MEI4: variants seen among roughly 807,000 people sequenced by gnomAD.
The protein encoded by MEI4 is meiotic double-stranded break formation protein 4.
Under a neutral mutation model 31.4 loss-of-function variants are expected in MEI4, and 27 were observed. That is an observed-to-expected ratio of 0.86 (90% CI 0.63 to 1.19). The LOEUF (loss-of-function observed/expected upper bound fraction) is 1.19. MEI4 is among the 50% of genes most tolerant of loss of function. MEI4 has a pLI of 0.00. For missense variants in MEI4, 329 were observed against 398.9 expected, an observed-to-expected ratio of 0.82 and a Z score of 1.49; for synonymous variants, 122 against 145.4, an observed-to-expected ratio of 0.84 and a Z score of 1.16.
At chr6:77,913,588 T>A (rs1056846998) in intron 4 of MEI4, among the ~76,000 whole-genome samples, 2 of 152,246 alleles carry the variant, frequency 1.3e-5, no homozygotes, top group African/African-American at 4.8e-5. Context: ...TTGTTCATAA[T>A]TGTCTGTGAT....
chr6:77,816,716 A>C (rs998097933), intron 3 of MEI4, among the ~76,000 whole-genome samples: 2 of 152,170 alleles, frequency 1.3e-5, no homozygotes, highest in Non-Finnish European at 2.9e-5. Context: ...GAATCGCCAC[A>C]CTGACTTCCT....
chr6:77,707,589 T>G (rs2127658729), intron 2 of MEI4, among the ~76,000 whole-genome samples: 1 of 152,268 alleles, frequency 6.6e-6, no homozygotes, highest in African/African-American at 2.4e-5. Flanking sequence ...GGGAGTCAAG[T>G]GCTACTATCC....
intron 4 of MEI4, among the ~76,000 whole-genome samples, chr6:77,846,867 C>A (rs1582209396): frequency 6.6e-6 from 1 of 152,152 alleles, no homozygotes; most frequent in African/African-American, 2.4e-5. Context: ...AGCATTAGTG[C>A]CCCTCAATCC....
intron 3 of MEI4, among the ~76,000 whole-genome samples, chr6:77,806,345 T>G (rs1769435904): frequency 6.6e-6 from 1 of 152,176 alleles, no homozygotes; most frequent in Non-Finnish European, 1.5e-5. Context: ...ATTGGTGTTT[T>G]GGAGTACCTA....
At chr6:77,793,366 G>A (rs145290398) in intron 3 of MEI4, among the ~76,000 whole-genome samples, 3 of 152,306 alleles carry the variant, frequency 2.0e-5, no homozygotes, top group East Asian at 3.9e-4. Context: ...TTCATAACTA[G>A]TCCTGTCTTA....
rs1769915741 is a variant in MEI4 at position 77,825,210 on chromosome 6, G to C, written c.769-3721G>C. ...TTTCTACAGCCTCCCACATTCTTTT[G>C]ACCTAACAAAATATTATGTTCTTCT... is the stretch of plus-strand genomic sequence containing the variant. On this transcript the variant is annotated intron_variant, in intron 3 of 4. Transcript: ENST00000684080. Among the ~76,000 whole-genome samples the C allele has an allele frequency of 2.0e-5, 3 of 152,002 alleles. No homozygotes were observed. In the South Asian group the frequency reaches 6.2e-4, roughly 31 times the overall value.
At chr6:77,652,878 A>G (rs557382248), upstream of MEI4, among the ~76,000 whole-genome samples, 1 of 152,346 alleles carries the variant, frequency 6.6e-6, no homozygotes, top group African/African-American at 2.4e-5. Context: ...TGCAATTGTG[A>G]TAACTGATAG....
chr6:77,733,631 G>A (rs1767083968), intron 2 of MEI4, among the ~76,000 whole-genome samples: 1 of 151,758 alleles, frequency 6.6e-6, no homozygotes, highest in Non-Finnish European at 1.5e-5. Flanking sequence ...ATTTCCTTCA[G>A]TTCTGCTCTG....
At chr6:77,708,171 T>A (rs551744856) in intron 2 of MEI4, among the ~76,000 whole-genome samples, 3 of 152,202 alleles carry the variant, frequency 2.0e-5, no homozygotes, top group Non-Finnish European at 2.9e-5. Flanking sequence ...CACTCAACTC[T>A]AACCAGTGAG....
intron 2 of MEI4, among the ~76,000 whole-genome samples, chr6:77,707,553 T>G (rs1766360110): frequency 6.6e-6 from 1 of 152,182 alleles, no homozygotes; most frequent in African/African-American, 2.4e-5. Context: ...AGCAATCACT[T>G]TCTAGAGAGA....
At chr6:77,841,159 A>T (rs1770347668) in intron 4 of MEI4, among the ~76,000 whole-genome samples, 1 of 151,604 alleles carries the variant, frequency 6.6e-6, no homozygotes, top group Non-Finnish European at 1.5e-5. Flanking sequence ...TGCTGATGAA[A>T]CAAAGCTTAA....
chr6:77,835,416 A>G (rs1191149388), intron 4 of MEI4, among the ~76,000 whole-genome samples: 1 of 150,870 alleles, frequency 6.6e-6, no homozygotes, highest in Non-Finnish European at 1.5e-5. Flanking sequence ...ATAAAAAAAA[A>G]AAAAGAAGAG....
At chr6:77,733,931 A>C (rs921806351) in intron 2 of MEI4, among the ~76,000 whole-genome samples, 2 of 151,924 alleles carry the variant, frequency 1.3e-5, no homozygotes, top group Non-Finnish European at 2.9e-5. Context: ...CATGTAGTTG[A>C]GTGGTTTTGA....
chr6:77,721,892 C>A (rs1412672466), intron 2 of MEI4, among the ~76,000 whole-genome samples: 1 of 120,070 alleles, frequency 8.3e-6, no homozygotes. Context: ...TCTTTCGTTT[C>A]TGCAGCACAT....
intron 2 of MEI4, 59 bp downstream of exon 2, chr6:77,690,962 A>T (rs998705041): frequency 1.1e-6 from 1 of 885,778 alleles, no homozygotes; most frequent in Non-Finnish European, 1.5e-6. Context: ...TCAGTTGCAC[A>T]ATTATTTAGA....
At chr6:77,919,063 C>T (rs988875821) in intron 4 of MEI4, among the ~76,000 whole-genome samples, 1 of 151,784 alleles carries the variant, frequency 6.6e-6, no homozygotes, top group Non-Finnish European at 1.5e-5. Context: ...ACTTTAACAC[C>T]CCACTGTCAA....
At chr6:77,758,584 T>G (rs893988988) in intron 2 of MEI4, among the ~76,000 whole-genome samples, 1 of 152,284 alleles carries the variant, frequency 6.6e-6, no homozygotes. Flanking sequence ...AAATCTCCTT[T>G]AATTTCCTGT....
chr6:77,720,575 C>T lies in MEI4; in HGVS notation c.232+29672C>T, dbSNP rs1238753932. On this transcript the variant is annotated intron_variant, in intron 2 of 4. Coordinates refer to ENST00000684080, the MANE Select transcript of MEI4 (RefSeq NM_001322247.2). ...ATGAAGGTACATGCGTGACACAGAC[C>T]TCTGGGATTAACTCCTGCCTCTTGA... is the stretch of plus-strand genomic sequence containing the variant. Among the ~76,000 whole-genome samples the T allele has an allele frequency of 4.9e-5, 7 of 141,514 alleles. 1 individual carries two copies. Among genetic ancestry groups the T allele is most frequent in the Non-Finnish European group, 1.1e-4 (7 of 64,864 alleles). 92.8% of individuals were successfully genotyped at this position (141,514 alleles called of 152,430 possible).
intron 4 of MEI4, among the ~76,000 whole-genome samples, chr6:77,846,599 AAT>A (rs1770492899): frequency 1.3e-5 from 2 of 152,206 alleles, no homozygotes; most frequent in African/African-American, 4.8e-5. Context: ...ATTGGAACTT[AAT>A]AAAATTTATC....
Sources: gnomAD v4.1 joint callset for allele counts (sites outside exome capture counted in the v4.1 genomes callset) on GRCh38, gnomAD v4.1.1 for gene constraint, MANE v1.5 for transcripts, NCBI Gene and HGNC (gene_info 2026-07-23, HGNC 2026-07-21) for gene names.